Variants in SI observed in about 807,000 individuals in gnomAD.
SI encodes sucrase-isomaltase.
In SI, 235 loss-of-function variants were observed where a neutral mutation model predicts 253.3. That is an observed-to-expected ratio of 0.93 (90% CI 0.83 to 1.03). The LOEUF is 1.03. Among genes scored for constraint, SI ranks in the 50% least tolerant of loss-of-function variants. SI has a pLI of 0.00. For synonymous variants in SI, 819 were observed against 712.0 expected (o/e 1.15, Z -2.39); for missense variants, 2,442 against 2,211.1 (o/e 1.10, Z -2.09).
At chr3:165,008,060 A>T in intron 35 of SI, 62 bp from the exon 36 acceptor site, 1 of 877,672 alleles carries the variant, frequency 1.1e-6, no homozygotes, top group South Asian at 1.4e-5. Context: ...TATTCTCAAA[A>T]GAGCTAGTTC....
chr3:165,084,611 T>A, the SI span, among the ~76,000 whole-genome samples: 1 of 152,050 alleles, frequency 6.6e-6, no homozygotes, highest in East Asian at 1.9e-4. Flanking sequence ...ATATTATAAA[T>A]ATAATTGAAA....
At chr3:165,049,001 A>C in intron 15 of SI, 126 bp downstream of exon 15, 1 of 685,412 alleles carries the variant, frequency 1.5e-6, no homozygotes, top group Non-Finnish European at 2.7e-6. Flanking sequence ...ACTTTTTAGC[A>C]GGCATAAAAT....
chr3:165,039,862 A>C, intron 19 of SI, 25 bp downstream of exon 19: 1 of 1,511,000 alleles, frequency 6.6e-7, no homozygotes. Context: ...TCAAACAATA[A>C]GGTTATTAAA....
chr3:165,029,992 G>A lies in SI; in HGVS notation c.2892+720C>T, dbSNP rs972448834. ...AATTGGGATAATTTCTCTGGAGGCA[G>A]AGATTCTATGCATCTCTTTATACAA... On this transcript the variant is annotated intron_variant, in intron 25 of 47. Transcript: ENST00000264382. 2.7e-5 allele frequency among the ~76,000 whole-genome samples: 4 copies of A among 150,784 alleles called. 1 individual carries two copies. The highest frequency in any genetic ancestry group is 6.0e-5 in the Non-Finnish European group (4 of 67,154).
intron 17 of SI, among the ~76,000 whole-genome samples, chr3:165,041,777 A>C (rs929388860): frequency 1.3e-5 from 2 of 152,018 alleles, no homozygotes; most frequent in Non-Finnish European, 2.9e-5. Context: ...AACAATATTA[A>C]CTGAAGACCT....
intron 9 of SI, among the ~76,000 whole-genome samples, chr3:165,061,750 T>G (rs1356689087): frequency 1.3e-5 from 2 of 152,028 alleles, no homozygotes; most frequent in African/African-American, 4.8e-5. Context: ...ATCTTCAGTG[T>G]AGGTCCTGGG....
At chr3:165,055,871 C>G (rs533450630) in intron 12 of SI, among the ~76,000 whole-genome samples, 1 of 151,996 alleles carries the variant, frequency 6.6e-6, no homozygotes, top group East Asian at 1.9e-4. Context: ...TAATTAAAGT[C>G]ATTTTGCAGA....
intron 9 of SI, 81 bp from the exon 10 acceptor site, chr3:165,060,108 A>G (rs1713914447): frequency 8.6e-7 from 1 of 1,166,038 alleles, no homozygotes; most frequent in Admixed American, 1.8e-5. Flanking sequence ...TGTGCCTCTT[A>G]TTTTCTTATA....
intron 25 of SI, among the ~76,000 whole-genome samples, chr3:165,028,206 T>C (rs754289232): frequency 6.6e-6 from 1 of 150,524 alleles, no homozygotes; most frequent in East Asian, 2.0e-4. Context: ...GAAAATAAAA[T>C]AAACTAAAAT....
At chr3:165,083,611 A>T in the SI span, among the ~76,000 whole-genome samples, 15 of 152,130 alleles carry the variant, frequency 9.9e-5, no homozygotes, top group African/African-American at 3.4e-4. Flanking sequence ...AGCTTGTTTC[A>T]TACTCATTTA....
chr3:165,020,359 A>G (rs1711535400), intron 27 of SI, among the ~76,000 whole-genome samples: 1 of 151,728 alleles, frequency 6.6e-6, no homozygotes, highest in Non-Finnish European at 1.5e-5. Flanking sequence ...CATAAAGAGG[A>G]AGGAAAGTAA....
chr3:165,019,041 T>C (rs1719178366), intron 28 of SI, among the ~76,000 whole-genome samples: 1 of 151,882 alleles, frequency 6.6e-6, no homozygotes, highest in South Asian at 2.1e-4. Context: ...TGGAATATTA[T>C]AGATAATATT....
chr3:165,069,022 T>G, intron 4 of SI, 56 bp downstream of exon 4: 2 of 1,256,048 alleles, frequency 1.6e-6, no homozygotes, highest in Non-Finnish European at 2.3e-6. Context: ...ATTTTCCACA[T>G]TTTCGCTCCA....
Position 165,018,084 on chromosome 3 carries a change from A to T in SI, c.3424-18T>A, listed in dbSNP as rs2108176382. The stretch of plus-strand genomic sequence containing the variant: ...AGTTTGTACTGAAATACGAAAAATA[A>T]GCACAATATATTTTAAGTAACAATA... On this transcript the variant is annotated intron_variant, in intron 28 of 47. Coordinates refer to ENST00000264382, the MANE Select transcript of SI (RefSeq NM_001041.4). The T allele has an allele frequency of 7.4e-7, 1 of 1,357,800 alleles. No individual in the cohort carries two copies. The allele number at this position is 1,357,800 out of a possible 1,614,324, so 84.1% of individuals were successfully genotyped here.
intron 14 of SI, among the ~76,000 whole-genome samples, chr3:165,049,470 G>A (rs959896555): frequency 6.6e-6 from 1 of 151,826 alleles, no homozygotes; most frequent in African/African-American, 2.4e-5. Context: ...TATTTACATT[G>A]GCAAATACTC....
At chr3:164,980,645 G>A (rs1359891656) in intron 47 of SI, among the ~76,000 whole-genome samples, 1 of 151,808 alleles carries the variant, frequency 6.6e-6, no homozygotes, top group East Asian at 1.9e-4. Flanking sequence ...CATCACTGAG[G>A]TAATGAAACA....
chr3:164,991,675 A>C (rs1279620192), intron 43 of SI, among the ~76,000 whole-genome samples, 198 bp from the exon 44 acceptor site: 2 of 152,258 alleles, frequency 1.3e-5, no homozygotes, highest in South Asian at 2.1e-4. Flanking sequence ...ATGATGTTGT[A>C]TACCTTAAAT....
At chr3:164,983,117 T>C in intron 45 of SI, 66 bp from the exon 46 acceptor site, 1 of 1,433,720 alleles carries the variant, frequency 7.0e-7, no homozygotes. Context: ...TAAATACCTG[T>C]ATACTTTGCT....
chr3:165,086,291 G>C, the SI span, among the ~76,000 whole-genome samples: 1 of 151,982 alleles, frequency 6.6e-6, no homozygotes, highest in Non-Finnish European at 1.5e-5. Flanking sequence ...AAAAATCCAT[G>C]TTACATGTCA....
Sources: allele counts gnomAD v4.1 joint callset (sites outside exome capture counted in the v4.1 genomes callset), GRCh38; gene constraint gnomAD v4.1.1; transcripts MANE v1.5; gene names NCBI Gene and HGNC (gene_info 2026-07-23, HGNC 2026-07-21).